Variants in MCTP1 observed in about 807,000 individuals in gnomAD.
MCTP1 encodes the protein multiple C2 and transmembrane domain-containing protein 1.
A neutral mutation model predicts 120.6 loss-of-function variants in MCTP1; 69 were observed. The ratio of observed to expected loss-of-function variants is 0.57; its 90% CI spans 0.47 to 0.70. MCTP1 has a LOEUF of 0.70. MCTP1 is among the 30% of genes least tolerant of loss of function. The pLI is 0.00. For missense variants in MCTP1, 1,203 were observed against 1,248.8 expected (o/e 0.96, Z 0.55); for synonymous variants, 529 against 493.1 (o/e 1.07, Z -0.96).
At position 94,870,465 on chromosome 5, in the gene MCTP1, T is replaced by G; in HGVS notation, c.2268A>C (p.Ile756=). 1 of 1,612,098 alleles carries G rather than the reference T, an allele frequency of 6.2e-7. No homozygotes were observed. The highest frequency in any genetic ancestry group is 8.5e-7 in the Non-Finnish European group (1 of 1,178,348). The part of the protein sequence containing the change: ...NAVKASLRTL[I]PKEQKYIEEE... ...CTTCAATGTACTTCTGTTCTTTGGGTATTAATGTTCGTAAGCTGGCTTTCA... is the reference window on the plus strand; with the variant it reads ...CTTCAATGTACTTCTGTTCTTTGGGGATTAATGTTCGTAAGCTGGCTTTCA... The change falls in exon 16 of 23, where the codon ATA becomes ATC. Residue 756 remains isoleucine (I), a synonymous_variant. Transcript: ENST00000515393.
chr5:94,704,980 T>C lies in MCTP1; in HGVS notation c.*2516A>G, dbSNP rs529644933. 166 of 151,392 alleles carry C rather than the reference T, an allele frequency of 1.1e-3. No homozygotes were observed. The highest frequency in any genetic ancestry group is 3.7e-3 in the African/African-American group (155 of 41,460). 9.4% of individuals were successfully genotyped at this position (151,392 alleles called of 1,614,324 possible). On this transcript the variant is annotated 3_prime_UTR_variant, in exon 23 of 23. Coordinates refer to ENST00000515393, the MANE Select transcript of MCTP1 (RefSeq NM_024717.7). ...TAAAAGCACAAATACGCATTTCTTA[T>C]GAATTATCACAACGAATGTCAGTAA...
intron 1 of MCTP1, among the ~76,000 whole-genome samples, chr5:95,178,523 C>A (rs529379771): frequency 6.6e-6 from 1 of 152,284 alleles, no homozygotes; most frequent in South Asian, 2.1e-4. Context: ...TTCCTTAGTA[C>A]CAGCTCAGAG....
chr5:94,921,442 G>T (rs72775391), intron 7 of MCTP1, among the ~76,000 whole-genome samples: 1 of 152,156 alleles, frequency 6.6e-6, no homozygotes, highest in Non-Finnish European at 1.5e-5. Flanking sequence ...TTGGACACAT[G>T]TATTGATCTG....
At chr5:94,879,441 A>G (rs1799597158) in intron 12 of MCTP1, among the ~76,000 whole-genome samples, 1 of 152,040 alleles carries the variant, frequency 6.6e-6, no homozygotes, top group African/African-American at 2.4e-5. Flanking sequence ...AAAATCTCCA[A>G]ACACCCACTG....
At chr5:94,925,494 C>T (rs1269225500) in intron 6 of MCTP1, among the ~76,000 whole-genome samples, 1 of 151,968 alleles carries the variant, frequency 6.6e-6, no homozygotes, top group Non-Finnish European at 1.5e-5. Flanking sequence ...CTGCAAGCTC[C>T]ACCTCCCGGG....
chr5:94,926,552 G>A (rs1813174590), intron 6 of MCTP1, among the ~76,000 whole-genome samples: 1 of 152,156 alleles, frequency 6.6e-6, no homozygotes, highest in African/African-American at 2.4e-5. Flanking sequence ...TTTGGAGCCA[G>A]GATCCTGACA....
At chr5:95,019,153 T>A (rs1370617069) in intron 1 of MCTP1, among the ~76,000 whole-genome samples, 1 of 152,098 alleles carries the variant, frequency 6.6e-6, no homozygotes, top group East Asian at 1.9e-4. Flanking sequence ...GAGCCATAAT[T>A]GACAAAATTG....
chr5:95,011,541 T>C (rs910391946), intron 2 of MCTP1, among the ~76,000 whole-genome samples: 9 of 152,076 alleles, frequency 5.9e-5, no homozygotes, highest in Non-Finnish European at 1.2e-4. Context: ...GTTTCCTCCA[T>C]GCTGTTCTCA....
intron 7 of MCTP1, among the ~76,000 whole-genome samples, chr5:94,923,054 A>G (rs537208999): frequency 5.0e-4 from 76 of 151,674 alleles, no homozygotes; most frequent in African/African-American, 1.7e-3. Context: ...AAGGATGAAT[A>G]AATGTGGCGT....
At chr5:94,784,642 T>C (rs1777259938) in intron 18 of MCTP1, among the ~76,000 whole-genome samples, 1 of 151,984 alleles carries the variant, frequency 6.6e-6, no homozygotes, top group South Asian at 2.1e-4. Flanking sequence ...CAACTGCATA[T>C]ATGATGGCTG....
intron 3 of MCTP1, among the ~76,000 whole-genome samples, chr5:94,945,209 C>T (rs1818639067): frequency 1.3e-5 from 2 of 152,104 alleles, no homozygotes; most frequent in South Asian, 2.1e-4. Context: ...GGGTCCTTCC[C>T]ACCACTAGTT....
rs555776525 is a variant in MCTP1 at position 94,968,595 on chromosome 5, A to G, written c.839-15234T>C. Among the ~76,000 whole-genome samples the G allele has an allele frequency of 2.6e-5, 4 of 152,350 alleles. No homozygotes were observed. In the East Asian group the frequency reaches 5.8e-4, roughly 22 times the overall value. On this transcript the variant is annotated intron_variant, in intron 2 of 22. Transcript: ENST00000515393. Reference sequence around the variant, plus strand: ...TTAATCTTCAATAAACATACTATACAAAAAGGATTTAGTTTGTTGGTTCGA... The same window carrying G: ...TTAATCTTCAATAAACATACTATACGAAAAGGATTTAGTTTGTTGGTTCGA...
rs1057345726 is a variant in MCTP1, at chr5:95,068,915, C to T, written c.721-51431G>A. ...AATAGTAGTTTTTTATAGCTAAAAG[C>T]GAATTAGGCTTAGTTCCAGGGGAAG... On this transcript the variant is annotated intron_variant, in intron 1 of 22. Coordinates refer to ENST00000515393, the MANE Select transcript of MCTP1 (RefSeq NM_024717.7). 8.3e-6 allele frequency: 5 copies of T among 599,982 alleles called. No individual in the cohort carries two copies. In the Admixed American group the frequency reaches 1.5e-4, roughly 18 times the overall value. The allele number at this position is 599,982 out of a possible 1,614,324, so 37.2% of individuals were successfully genotyped here. A position where few individuals can be genotyped will look rare whatever the true frequency, so the allele number is the denominator to read the frequency against.
chr5:94,743,727 T>C (rs2152763187), intron 19 of MCTP1, among the ~76,000 whole-genome samples: 1 of 147,656 alleles, frequency 6.8e-6, no homozygotes, highest in African/African-American at 2.5e-5. Flanking sequence ...AAGCTCCGCC[T>C]TCCGGGTTCA....
At chr5:95,155,712 A>T (rs1478928652) in intron 1 of MCTP1, among the ~76,000 whole-genome samples, 2 of 152,224 alleles carry the variant, frequency 1.3e-5, no homozygotes. Context: ...GGAGACCTGA[A>T]CTGCACAATA....
intron 10 of MCTP1, among the ~76,000 whole-genome samples, chr5:94,901,252 T>C (rs142122279): frequency 6.6e-6 from 1 of 152,288 alleles, no homozygotes; most frequent in East Asian, 1.9e-4. Context: ...CTCCCCTTTA[T>C]AAAACCATCA....
chr5:94,870,465 T>C lies in MCTP1; in HGVS notation c.2268A>G (p.Ile756Met), dbSNP rs925692989. 1.2e-6 allele frequency: 2 copies of C among 1,611,980 alleles called. No homozygotes were observed. Among genetic ancestry groups the C allele is most frequent in the African/African-American group, 2.7e-5 (2 of 74,848 alleles). The change falls in exon 16 of 23, where the codon ATA (isoleucine) becomes ATG (methionine). Residue 756 changes from isoleucine to methionine, a missense_variant. This residue lies in a region of MCTP1 where 740 missense variants were observed against 871.1 expected (regional missense o/e 0.85). Coordinates refer to ENST00000515393, the MANE Select transcript of MCTP1 (RefSeq NM_024717.7). ...NAVKASLRTL[I>M]PKEQKYIEEE... ...CTTCAATGTACTTCTGTTCTTTGGG[T>C]ATTAATGTTCGTAAGCTGGCTTTCA...
intron 3 of MCTP1, among the ~76,000 whole-genome samples, chr5:94,949,717 T>C (rs1018870711): frequency 6.6e-6 from 1 of 152,148 alleles, no homozygotes; most frequent in African/African-American, 2.4e-5. Context: ...CCTGTAATTA[T>C]AGATAGGAGG....
rs536103580 is a variant in MCTP1, at chr5:94,870,319, C to T, written c.2316+98G>A. On this transcript the variant is annotated intron_variant, in intron 16 of 22. Coordinates refer to ENST00000515393, the MANE Select transcript of MCTP1 (RefSeq NM_024717.7). ...GTAGATGATCAAAAATTCCAGTCTT[C>T]CCCCCTCCATACCTTTAAAGTTTAT... 3.8e-5 allele frequency: 27 copies of T among 711,688 alleles called. No homozygotes were observed. In the South Asian group the frequency reaches 5.5e-4, roughly 14 times the overall value. 44.1% of individuals were successfully genotyped at this position (711,688 alleles called of 1,614,324 possible). A position where few individuals can be genotyped will look rare whatever the true frequency, so the allele number is the denominator to read the frequency against.
Sources: allele counts gnomAD v4.1 joint callset (sites outside exome capture counted in the v4.1 genomes callset), GRCh38; gene constraint gnomAD v4.1.1; regional missense constraint gnomAD v4.1.1; transcripts MANE v1.5; gene names NCBI Gene and HGNC (gene_info 2026-07-23, HGNC 2026-07-21).